SYNPR: variants seen among roughly 807,000 people sequenced by gnomAD.
SYNPR encodes synaptoporin.
A neutral mutation model predicts 32.9 loss-of-function variants in SYNPR; 23 were observed. The ratio of observed to expected loss-of-function variants is 0.70; its 90% CI spans 0.50 to 0.99. The LOEUF (loss-of-function observed/expected upper bound fraction) is 0.99, where lower values mean the gene tolerates loss of function less well. Ranked by LOEUF, SYNPR falls within the 50% of genes least tolerant of loss-of-function variation. The pLI, the probability that SYNPR is intolerant of heterozygous loss-of-function variation, is 0.00. For synonymous variants in SYNPR, 146 were observed against 135.9 expected (o/e 1.07, Z -0.52); for missense variants, 318 against 349.3 (o/e 0.91, Z 0.71).
At chr3:63,321,202 T>C (rs1017324135) in intron 2 of SYNPR, among the ~76,000 whole-genome samples, 1 of 152,124 alleles carries the variant, frequency 6.6e-6, no homozygotes, top group African/African-American at 2.4e-5. Flanking sequence ...TATTGTAGCA[T>C]TTTCATTTTG....
At chr3:63,403,479 G>C (rs1045655864) in intron 2 of SYNPR, among the ~76,000 whole-genome samples, 2 of 150,326 alleles carry the variant, frequency 1.3e-5, no homozygotes, top group Non-Finnish European at 3.0e-5. Context: ...CATAGAGAGA[G>C]AGGATGAGAC....
chr3:63,561,963 A>T (rs1328152522), intron 4 of SYNPR, among the ~76,000 whole-genome samples: 1 of 152,220 alleles, frequency 6.6e-6, no homozygotes, highest in Non-Finnish European at 1.5e-5. Context: ...ACAATTGTTA[A>T]TGATGCTGAA....
intron 2 of SYNPR, among the ~76,000 whole-genome samples, chr3:63,348,601 C>T (rs1474920990): frequency 6.6e-6 from 1 of 152,122 alleles, no homozygotes; most frequent in Non-Finnish European, 1.5e-5. Flanking sequence ...TAATTCTTTG[C>T]CTAGACCAAT....
At chr3:63,272,216 A>C (rs7647554) in intron 3 of SYNPR, among the ~76,000 whole-genome samples, 97,371 of 151,948 alleles carry the variant, frequency 0.64, 31,564 homozygotes, top group South Asian at 0.74. Context: ...TTAACTCATT[A>C]ATTCCTTTTT....
At chr3:63,506,625 A>T (rs1269985540) in intron 3 of SYNPR, among the ~76,000 whole-genome samples, 1 of 152,182 alleles carries the variant, frequency 6.6e-6, no homozygotes, top group Non-Finnish European at 1.5e-5. Context: ...TTCATCTGGC[A>T]TTTCCCAAAC....
intron 1 of SYNPR, among the ~76,000 whole-genome samples, chr3:63,242,372 C>T (rs2086255543): frequency 6.6e-6 from 1 of 152,004 alleles, no homozygotes; most frequent in African/African-American, 2.4e-5. Flanking sequence ...TTGCAACAAA[C>T]CAGGACTCCT....
chr3:63,337,316 T>C (rs1017927344), intron 2 of SYNPR, among the ~76,000 whole-genome samples: 5 of 145,650 alleles, frequency 3.4e-5, no homozygotes, highest in Non-Finnish European at 7.5e-5. Flanking sequence ...AAGAACTACA[T>C]ACCTATTTAC....
rs1398878720 is a variant in SYNPR at position 63,339,930 on chromosome 3, T to C, written c.84+61188T>C. On this transcript the variant is annotated intron_variant, in intron 2 of 5. Transcript: ENST00000478300. Reference sequence around the variant, plus strand: ...CCTCGGCCTCCCAAAGTGCTGGAATTAGAGGCGTGAGCCACCATGCCAAGC... The same window carrying C: ...CCTCGGCCTCCCAAAGTGCTGGAATCAGAGGCGTGAGCCACCATGCCAAGC... 2.0e-5 allele frequency among the ~76,000 whole-genome samples: 3 copies of C among 152,202 alleles called. No homozygotes were observed. In the East Asian group the frequency reaches 5.8e-4, roughly 29 times the overall value.
the SYNPR span, among the ~76,000 whole-genome samples, chr3:63,207,775 A>AT: frequency 6.6e-6 from 1 of 152,098 alleles, no homozygotes; most frequent in Non-Finnish European, 1.5e-5. Context: ...CATCTGCTGC[A>AT]TTTTTTTAAA....
the SYNPR span, among the ~76,000 whole-genome samples, chr3:63,208,674 G>A: frequency 6.6e-6 from 1 of 152,170 alleles, no homozygotes; most frequent in Admixed American, 6.5e-5. Flanking sequence ...TACTCAAATA[G>A]GTTTGGGAAG....
rs1191724920 is a variant in SYNPR, at chr3:63,536,959, G to A, written c.210-19584G>A. On this transcript the variant is annotated intron_variant, in intron 3 of 5. Transcript: ENST00000478300. Reference sequence around the variant, plus strand: ...GCTGAGGGATGAATGAATGGGATACGACTGCTAATAGGTATGAGGCTTCTT... The same window carrying A: ...GCTGAGGGATGAATGAATGGGATACAACTGCTAATAGGTATGAGGCTTCTT... 4.6e-5 allele frequency among the ~76,000 whole-genome samples: 7 copies of A among 151,966 alleles called. No individual in the cohort carries two copies. In the South Asian group the frequency reaches 8.3e-4, roughly 18 times the overall value.
intron 2 of SYNPR, among the ~76,000 whole-genome samples, chr3:63,424,564 G>A (rs762094668): frequency 6.6e-6 from 1 of 152,080 alleles, no homozygotes; most frequent in Non-Finnish European, 1.5e-5. Context: ...TGTAGTTATT[G>A]TATTATTATA....
intron 3 of SYNPR, among the ~76,000 whole-genome samples, chr3:63,532,792 G>T (rs1575696187): frequency 6.6e-6 from 1 of 152,166 alleles, no homozygotes; most frequent in African/African-American, 2.4e-5. Context: ...TATGTCCTCA[G>T]GTTTGTCCTA....
At chr3:63,208,926 T>C in the SYNPR span, among the ~76,000 whole-genome samples, 1,501 of 152,336 alleles carry the variant, frequency 9.9e-3, 21 homozygotes, top group African/African-American at 0.034. Context: ...GGTTTGACTA[T>C]AGAAATCTTT....
intron 3 of SYNPR, among the ~76,000 whole-genome samples, chr3:63,549,808 A>G (rs961107268): frequency 2.0e-5 from 3 of 152,164 alleles, no homozygotes; most frequent in African/African-American, 4.8e-5. Flanking sequence ...AAATGACTCC[A>G]TTTAAACATT....
At chr3:63,554,332 A>G (rs1452229105) in intron 3 of SYNPR, among the ~76,000 whole-genome samples, 1 of 152,144 alleles carries the variant, frequency 6.6e-6, no homozygotes, top group Non-Finnish European at 1.5e-5. Context: ...GTTTTCTTCC[A>G]GGAGTTTGAG....
At chr3:63,278,783 C>CAGCT (rs774442208) in intron 2 of SYNPR, 41 bp downstream of exon 2, 1 of 1,547,854 alleles carries the variant, frequency 6.5e-7, no homozygotes, top group South Asian at 1.2e-5. Flanking sequence ...GCCAGGCAGC[C>CAGCT]AGCTATCAGG....
intron 2 of SYNPR, among the ~76,000 whole-genome samples, chr3:63,466,465 TC>T (rs1290214196): frequency 2.0e-5 from 3 of 151,966 alleles, no homozygotes; most frequent in Non-Finnish European, 2.9e-5. Flanking sequence ...TTTTTTTTTT[TC>T]TTTTTGCTAA....
At chr3:63,405,228 G>C (rs891687423) in intron 2 of SYNPR, among the ~76,000 whole-genome samples, 5 of 152,160 alleles carry the variant, frequency 3.3e-5, no homozygotes, top group African/African-American at 1.2e-4. Context: ...ATGGAAAGGG[G>C]CTTCAGAATT....
Sources: gnomAD v4.1 joint callset for allele counts (sites outside exome capture counted in the v4.1 genomes callset) on GRCh38, gnomAD v4.1.1 for gene constraint, MANE v1.5 for transcripts, NCBI Gene and HGNC (gene_info 2026-07-23, HGNC 2026-07-21) for gene names.